The following IMMP2L variants were observed in gnomAD, a reference collection of about 807,000 sequenced individuals.
The protein encoded by IMMP2L is mitochondrial inner membrane protease subunit 2.
In IMMP2L, 18 loss-of-function variants were observed where a neutral mutation model predicts 19.3. The ratio of observed to expected loss-of-function variants is 0.93; its 90% CI spans 0.64 to 1.38. The LOEUF (loss-of-function observed/expected upper bound fraction) is 1.38, where lower values mean the gene tolerates loss of function less well. Ranked by LOEUF, IMMP2L falls within the 40% of genes most tolerant of loss-of-function variation. The probability of loss-of-function intolerance (pLI) is 0.00; values close to 1 mark genes in which losing one functional copy is unlikely to be tolerated. For synonymous variants in IMMP2L, 76 were observed against 73.0 expected, an observed-to-expected ratio of 1.04 and a Z score of -0.21; for missense variants, 233 against 218.2, an observed-to-expected ratio of 1.07 and a Z score of -0.43.
At chr7:110,740,670 T>A (rs1796934269) in intron 5 of IMMP2L, among the ~76,000 whole-genome samples, 1 of 152,122 alleles carries the variant, frequency 6.6e-6, no homozygotes, top group Non-Finnish European at 1.5e-5. Context: ...CTATTGACAC[T>A]AATTATCAGG....
chr7:110,867,207 AG>A (rs1193373206), intron 5 of IMMP2L, among the ~76,000 whole-genome samples: 2 of 151,926 alleles, frequency 1.3e-5, no homozygotes, highest in East Asian at 3.9e-4. Flanking sequence ...GGTTCTGGTG[AG>A]GGCTCTCTTA....
intron 3 of IMMP2L, among the ~76,000 whole-genome samples, chr7:111,102,406 T>C: frequency 6.6e-6 from 1 of 151,576 alleles, no homozygotes; most frequent in Non-Finnish European, 1.5e-5. Flanking sequence ...TGCTGGAGTT[T>C]AGCAGAAGCA....
intron 3 of IMMP2L, among the ~76,000 whole-genome samples, chr7:111,341,643 A>T (rs780698999): frequency 1.3e-5 from 2 of 152,190 alleles, no homozygotes; most frequent in Non-Finnish European, 2.9e-5. Context: ...ATATTTAAAC[A>T]TATCCTTGAA....
intron 5 of IMMP2L, among the ~76,000 whole-genome samples, chr7:110,716,480 G>A (rs1363304899): frequency 1.3e-5 from 2 of 152,156 alleles, no homozygotes; most frequent in Non-Finnish European, 2.9e-5. Flanking sequence ...AGGGTCTCTT[G>A]TAAGACTTGG....
chr7:110,996,636 C>CT (rs556616702), intron 3 of IMMP2L, among the ~76,000 whole-genome samples: 9 of 151,394 alleles, frequency 5.9e-5, no homozygotes, highest in South Asian at 2.1e-4. Flanking sequence ...TTAAAATCCT[C>CT]TTTTTTTTTC....
intron 3 of IMMP2L, among the ~76,000 whole-genome samples, chr7:111,365,422 C>T (rs920851758): frequency 1.8e-4 from 28 of 152,204 alleles, no homozygotes; most frequent in Admixed American, 4.6e-4. Context: ...TCACGCCACG[C>T]TAGAGCAGCT....
intron 5 of IMMP2L, among the ~76,000 whole-genome samples, chr7:110,673,226 A>G (rs1792045957): frequency 6.6e-6 from 1 of 152,224 alleles, no homozygotes; most frequent in Non-Finnish European, 1.5e-5. Context: ...TACCCTCCGA[A>G]GCAATGGTCT....
At chr7:110,768,308 GAAA>G (rs56248524) in intron 5 of IMMP2L, among the ~76,000 whole-genome samples, 30 of 120,870 alleles carry the variant, frequency 2.5e-4, no homozygotes, top group Admixed American at 5.0e-4. Flanking sequence ...GAAAAGAAAG[GAAA>G]AAAAAAAAAA....
At chr7:111,468,258 C>A (rs550605781) in intron 3 of IMMP2L, among the ~76,000 whole-genome samples, 15 of 152,060 alleles carry the variant, frequency 9.9e-5, no homozygotes, top group Non-Finnish European at 1.9e-4. Context: ...ACATACATCC[C>A]TCATTGTTAC....
At chr7:111,080,028 AT>A (rs34814040) in intron 3 of IMMP2L, among the ~76,000 whole-genome samples, 113,541 of 150,308 alleles carry the variant, frequency 0.76, 45,683 homozygotes, top group Non-Finnish European at 0.89. Context: ...AAAAAAAAAA[AT>A]GTCATTTCTT....
intron 5 of IMMP2L, among the ~76,000 whole-genome samples, chr7:110,875,810 G>C (rs1274722419): frequency 6.6e-6 from 1 of 152,102 alleles, no homozygotes; most frequent in African/African-American, 2.4e-5. Flanking sequence ...GTAGGTCCTA[G>C]TTAATGACTA....
At chr7:110,854,123 A>G (rs1806512241) in intron 5 of IMMP2L, among the ~76,000 whole-genome samples, 1 of 152,002 alleles carries the variant, frequency 6.6e-6, no homozygotes, top group Admixed American at 6.6e-5. Flanking sequence ...GTAGGTACAC[A>G]TATATTTTAA....
At chr7:111,031,395 T>TGG (rs1161003159) in intron 3 of IMMP2L, among the ~76,000 whole-genome samples, 1 of 76,210 alleles carries the variant, frequency 1.3e-5, no homozygotes, top group African/African-American at 6.9e-5. Flanking sequence ...TGTGTGTGTG[T>TGG]GTGTGTGTGT....
At chr7:110,933,406 T>C (rs1232619781) in intron 4 of IMMP2L, among the ~76,000 whole-genome samples, 1 of 152,204 alleles carries the variant, frequency 6.6e-6, no homozygotes, top group Non-Finnish European at 1.5e-5. Flanking sequence ...CCATCTCTGC[T>C]CCTCACCTAT....
At chr7:110,995,763 C>T (rs1177714308) in intron 3 of IMMP2L, among the ~76,000 whole-genome samples, 1 of 152,090 alleles carries the variant, frequency 6.6e-6, no homozygotes, top group Admixed American at 6.6e-5. Context: ...TACATCTCTC[C>T]CCCAGTTTCT....
chr7:111,093,604 A>G (rs1797091090), intron 3 of IMMP2L, among the ~76,000 whole-genome samples: 1 of 152,148 alleles, frequency 6.6e-6, no homozygotes, highest in African/African-American at 2.4e-5. Flanking sequence ...CAGTGGATTC[A>G]CTCTTTAACC....
chr7:110,826,396 G>A (rs1338575749), intron 5 of IMMP2L, among the ~76,000 whole-genome samples: 3 of 152,076 alleles, frequency 2.0e-5, no homozygotes, highest in African/African-American at 7.2e-5. Flanking sequence ...ACATATGTTT[G>A]TTGTGGCACT....
chr7:111,118,341 A>G (rs1800145999), intron 3 of IMMP2L, among the ~76,000 whole-genome samples: 1 of 152,180 alleles, frequency 6.6e-6, no homozygotes, highest in South Asian at 2.1e-4. Context: ...AAGGAAAAGT[A>G]GCTTTATCCA....
chr7:111,221,797 A>G (rs1392667063), intron 3 of IMMP2L, among the ~76,000 whole-genome samples: 1 of 152,044 alleles, frequency 6.6e-6, no homozygotes, highest in African/African-American at 2.4e-5. Flanking sequence ...AATAACAATG[A>G]TAACTATGAA....
Sources: gnomAD v4.1 joint callset for allele counts (sites outside exome capture counted in the v4.1 genomes callset) on GRCh38, gnomAD v4.1.1 for gene constraint, MANE v1.5 for transcripts, NCBI Gene and HGNC (gene_info 2026-07-23, HGNC 2026-07-21) for gene names.